CGNL1: variants seen among roughly 807,000 people sequenced by gnomAD.
The protein encoded by CGNL1 is cingulin like 1.
CGNL1 carries 132 observed loss-of-function variants against 141.2 expected under a neutral mutation model. The observed-to-expected ratio is 0.93, with a 90% confidence interval of 0.81 to 1.08. CGNL1 has a LOEUF of 1.08. CGNL1 is among the 50% of genes least tolerant of loss of function. The pLI, the probability that CGNL1 is intolerant of heterozygous loss-of-function variation, is 0.00. For missense variants in CGNL1, 1,870 were observed against 1,588.6 expected (o/e 1.18, Z -3.01); for synonymous variants, 690 against 622.1 (o/e 1.11, Z -1.63).
rs1159275442 is a variant in CGNL1 at position 57,546,119 on chromosome 15, C to A, written c.3653C>A (p.Ala1218Asp). The A allele has an allele frequency of 1.9e-6, 3 of 1,613,788 alleles. No homozygotes were observed. Among genetic ancestry groups the A allele is most frequent in the Non-Finnish European group, 2.5e-6 (3 of 1,179,978 alleles). Residue 1218 changes from alanine to aspartate, a missense_variant, in exon 18 of 19, where the codon GCT becomes GAT. Physicochemically the swap from Ala to Asp is moderately radical, Grantham distance 126. Transcript: ENST00000281282. ...LKAMKRQVEEAEEEIDRLESS... is the reference protein window; with the variant it reads ...LKAMKRQVEEDEEEIDRLESS... Reference sequence around the variant, plus strand: ...GCCATGAAGCGGCAGGTGGAGGAGGCTGAGGAGGAAATCGACAGACTGGAA... The same window carrying A: ...GCCATGAAGCGGCAGGTGGAGGAGGATGAGGAGGAAATCGACAGACTGGAA...
At chr15:57,410,661 A>T (rs1207077603) in intron 1 of CGNL1, among the ~76,000 whole-genome samples, 1 of 152,176 alleles carries the variant, frequency 6.6e-6, no homozygotes, top group Non-Finnish European at 1.5e-5. Context: ...GAAAGATAAA[A>T]TAAATTCTTT....
chr15:57,378,053 C>G (rs2062384360), intron 1 of CGNL1, among the ~76,000 whole-genome samples: 1 of 152,172 alleles, frequency 6.6e-6, no homozygotes, highest in South Asian at 2.1e-4. Context: ...GCCCTGCAGA[C>G]AGAACACAGT....
intron 8 of CGNL1, among the ~76,000 whole-genome samples, chr15:57,466,258 T>C (rs1378899532): frequency 6.6e-6 from 1 of 152,168 alleles, no homozygotes; most frequent in Non-Finnish European, 1.5e-5. Flanking sequence ...AAAAAGGAAA[T>C]GTCTTCTTCT....
chr15:57,382,517 T>C (rs1173104564), intron 1 of CGNL1, among the ~76,000 whole-genome samples: 1 of 152,226 alleles, frequency 6.6e-6, no homozygotes, highest in East Asian at 1.9e-4. Flanking sequence ...GTTCAGGTGA[T>C]TGCTTTGTAG....
intron 4 of CGNL1, 26 bp downstream of exon 4, chr15:57,442,504 G>C: frequency 1.4e-6 from 2 of 1,392,596 alleles, no homozygotes; most frequent in Non-Finnish European, 2.0e-6. Flanking sequence ...GTATTTTGTA[G>C]AGTGCATTTA....
At chr15:57,446,768 A>C (rs1382061573) in intron 4 of CGNL1, among the ~76,000 whole-genome samples, 1 of 148,492 alleles carries the variant, frequency 6.7e-6, no homozygotes, top group Non-Finnish European at 1.5e-5. Context: ...TTTAACTGTT[A>C]AATGTTCCCA....
At chr15:57,484,790 T>C (rs1335546922) in intron 8 of CGNL1, among the ~76,000 whole-genome samples, 3 of 152,152 alleles carry the variant, frequency 2.0e-5, no homozygotes, top group Non-Finnish European at 4.4e-5. Context: ...CTCCCACTTA[T>C]GAGTGAGAAC....
intron 13 of CGNL1, 25 bp from the exon 14 acceptor site, chr15:57,531,665 A>G (rs555833124): frequency 1.9e-5 from 29 of 1,511,718 alleles, no homozygotes; most frequent in South Asian, 1.6e-4. Flanking sequence ...AGTTAAGTCA[A>G]CTGTGTTTGT....
intron 1 of CGNL1, among the ~76,000 whole-genome samples, chr15:57,416,621 G>A (rs2062852371): frequency 6.6e-6 from 1 of 152,152 alleles, no homozygotes; most frequent in Admixed American, 6.5e-5. Context: ...CTCTCAGAAG[G>A]CACTTGGTAT....
At chr15:57,492,721 T>A (rs1595761708) in intron 8 of CGNL1, among the ~76,000 whole-genome samples, 1 of 152,112 alleles carries the variant, frequency 6.6e-6, no homozygotes, top group African/African-American at 2.4e-5. Flanking sequence ...CCAAAACATT[T>A]CCTCAGGGGA....
intron 1 of CGNL1, among the ~76,000 whole-genome samples, chr15:57,391,761 G>T (rs548173466): frequency 1.3e-5 from 2 of 152,066 alleles, no homozygotes; most frequent in Admixed American, 6.6e-5. Context: ...CTCTTTCCTC[G>T]CCTCAGTGTT....
chr15:57,528,701 T>C lies in CGNL1; in HGVS notation c.3087T>C (p.Asp1029=). The C allele has an allele frequency of 6.2e-7, 1 of 1,614,110 alleles. No individual in the cohort carries two copies. The highest frequency in any genetic ancestry group is 8.5e-7 in the Non-Finnish European group (1 of 1,179,980). Residue 1029 remains aspartate (D), a synonymous_variant, in exon 13 of 19, where the codon GAT becomes GAC. Coordinates refer to ENST00000281282, the MANE Select transcript of CGNL1 (RefSeq NM_032866.5). ...TACGGGACTACCAGAGAGCTCAGGA[T>C]GAAGCACTCACAAAAAGGCAGCTTC... ...EELRDYQRAQ[D]EALTKRQLLE...
Position 57,439,652 on chromosome 15 carries a change from A to G in CGNL1, c.1602+51A>G, listed in dbSNP as rs772933573. On this transcript the variant is annotated intron_variant, in intron 2 of 18. Coordinates refer to ENST00000281282, the MANE Select transcript of CGNL1 (RefSeq NM_032866.5). ...GTTTTTTTTCTCTTCCTTCTAAATA[A>G]TGTAATGATGTACTTATGCTGCAGG... 5 of 1,534,006 alleles carry G rather than the reference A, an allele frequency of 3.3e-6. No individual in the cohort carries two copies. The South Asian group carries it at 6.1e-5, about 19-fold the overall frequency.
At chr15:57,472,336 T>A (rs1240690799) in intron 8 of CGNL1, among the ~76,000 whole-genome samples, 1 of 151,998 alleles carries the variant, frequency 6.6e-6, no homozygotes, top group African/African-American at 2.4e-5. Flanking sequence ...TGGTTGAAAG[T>A]CTGGTATGAG....
At chr15:57,530,903 A>G (rs1240875343) in intron 13 of CGNL1, among the ~76,000 whole-genome samples, 3 of 152,212 alleles carry the variant, frequency 2.0e-5, no homozygotes, top group Non-Finnish European at 4.4e-5. Flanking sequence ...TAAAACTTGG[A>G]ATGCCAATTG....
intron 8 of CGNL1, among the ~76,000 whole-genome samples, chr15:57,470,552 G>T (rs1015541174): frequency 2.0e-5 from 3 of 152,092 alleles, no homozygotes; most frequent in Non-Finnish European, 4.4e-5. Context: ...GTCACTCCTG[G>T]TGTTTTACCT....
intron 7 of CGNL1, 84 bp from the exon 8 acceptor site, chr15:57,461,596 G>C: frequency 1.8e-6 from 2 of 1,133,348 alleles, no homozygotes; most frequent in Non-Finnish European, 1.3e-6. Context: ...CTGTGCACAT[G>C]GGGACTGAAC....
intron 7 of CGNL1, among the ~76,000 whole-genome samples, chr15:57,459,172 C>G (rs1234164949): frequency 6.6e-6 from 1 of 152,182 alleles, no homozygotes; most frequent in African/African-American, 2.4e-5. Flanking sequence ...AGGTCGTGTT[C>G]TTATGCAGAA....
At chr15:57,470,935 G>A (rs2063573933) in intron 8 of CGNL1, among the ~76,000 whole-genome samples, 1 of 152,208 alleles carries the variant, frequency 6.6e-6, no homozygotes, top group South Asian at 2.1e-4. Flanking sequence ...TTAAGAATTA[G>A]AAAGAAAGAA....
Sources: gnomAD v4.1 joint callset for allele counts (sites outside exome capture counted in the v4.1 genomes callset) on GRCh38, gnomAD v4.1.1 for gene constraint, MANE v1.5 for transcripts, NCBI Gene and HGNC (gene_info 2026-07-23, HGNC 2026-07-21) for gene names.